SLC13A1: variants seen among roughly 807,000 people sequenced by gnomAD.
The protein encoded by SLC13A1 is Na(+)/sulfate cotransporter.
Under a neutral mutation model 70.0 loss-of-function variants are expected in SLC13A1, and 65 were observed. The observed-to-expected ratio is 0.93, with a 90% CI of 0.76 to 1.14. The LOEUF is 1.14. SLC13A1 is among the 50% of genes most tolerant of loss of function. The pLI, the probability that SLC13A1 is intolerant of heterozygous loss-of-function variation, is 0.00. For missense variants in SLC13A1, 726 were observed against 717.8 expected (o/e 1.01, Z -0.13); for synonymous variants, 275 against 250.5 (o/e 1.10, Z -0.92).
intron 6 of SLC13A1, among the ~76,000 whole-genome samples, chr7:123,150,848 C>T (rs763590090): frequency 1.6e-4 from 24 of 152,086 alleles, no homozygotes; most frequent in Non-Finnish European, 3.2e-4. Context: ...TGCCTTCCAT[C>T]CTTCCTTAAA....
intron 7 of SLC13A1, among the ~76,000 whole-genome samples, chr7:123,135,148 T>C (rs1289870191): frequency 6.6e-6 from 1 of 152,252 alleles, no homozygotes; most frequent in Non-Finnish European, 1.5e-5. Context: ...CACAGTCAAA[T>C]GGAGTAACTC....
At chr7:123,144,474 G>A (rs903638431) in intron 7 of SLC13A1, among the ~76,000 whole-genome samples, 1 of 152,128 alleles carries the variant, frequency 6.6e-6, no homozygotes, top group African/African-American at 2.4e-5. Context: ...AATAAACTGA[G>A]TCTTAGGGGG....
chr7:123,184,127 T>G (rs2116631181), intron 1 of SLC13A1, among the ~76,000 whole-genome samples: 1 of 152,218 alleles, frequency 6.6e-6, no homozygotes, highest in African/African-American at 2.4e-5. Flanking sequence ...GAATGCTATT[T>G]TTTTATCCTT....
chr7:123,187,799 T>A (rs995377253), intron 1 of SLC13A1, among the ~76,000 whole-genome samples: 1 of 152,236 alleles, frequency 6.6e-6, no homozygotes, highest in Non-Finnish European at 1.5e-5. Context: ...TTATGAATAT[T>A]TTACCATTTA....
At chr7:123,178,236 G>C (rs1795520532) in intron 2 of SLC13A1, among the ~76,000 whole-genome samples, 1 of 151,856 alleles carries the variant, frequency 6.6e-6, no homozygotes, top group Non-Finnish European at 1.5e-5. Flanking sequence ...TACAGTAATG[G>C]GCTCAGCAAA....
At chr7:123,182,906 C>T (rs1795684661) in intron 1 of SLC13A1, among the ~76,000 whole-genome samples, 2 of 152,244 alleles carry the variant, frequency 1.3e-5, no homozygotes. Context: ...GAAGAATCCT[C>T]ATTTTGCATT....
intron 7 of SLC13A1, among the ~76,000 whole-genome samples, chr7:123,142,095 T>C (rs1163663913): frequency 6.6e-6 from 1 of 152,148 alleles, no homozygotes; most frequent in Non-Finnish European, 1.5e-5. Context: ...TTATTTTTCA[T>C]GTATAGGGTA....
chr7:123,131,211 T>C (rs1433019997), intron 8 of SLC13A1, among the ~76,000 whole-genome samples: 2 of 152,198 alleles, frequency 1.3e-5, no homozygotes, highest in Non-Finnish European at 2.9e-5. Context: ...AATTGCTTTT[T>C]ACAATCTCAG....
intron 2 of SLC13A1, among the ~76,000 whole-genome samples, chr7:123,175,165 A>C (rs961338488): frequency 6.6e-6 from 1 of 152,104 alleles, no homozygotes; most frequent in Non-Finnish European, 1.5e-5. Flanking sequence ...AGACTTAAAG[A>C]GCTTACAAGC....
intron 6 of SLC13A1, among the ~76,000 whole-genome samples, chr7:123,152,410 A>T (rs975999607): frequency 1.4e-4 from 22 of 151,892 alleles, no homozygotes; most frequent in African/African-American, 5.3e-4. Context: ...TTTTTTTCTA[A>T]TTTTTTAAGG....
intron 6 of SLC13A1, among the ~76,000 whole-genome samples, chr7:123,148,178 C>G (rs1038229140): frequency 1.3e-5 from 2 of 152,088 alleles, no homozygotes; most frequent in African/African-American, 2.4e-5. Context: ...CTTTCTCTCC[C>G]CATTCCTTTG....
At chr7:123,129,573 C>A in intron 8 of SLC13A1, 92 bp from the exon 9 acceptor site, 4 of 900,678 alleles carry the variant, frequency 4.4e-6, no homozygotes, top group East Asian at 2.5e-5. Context: ...GTCATCTTCA[C>A]GCAATATGAA....
intron 7 of SLC13A1, among the ~76,000 whole-genome samples, chr7:123,137,667 T>C (rs1793997147): frequency 6.6e-6 from 1 of 152,182 alleles, no homozygotes; most frequent in African/African-American, 2.4e-5. Context: ...CCTGAGCCCC[T>C]GTCTAGGTTA....
intron 8 of SLC13A1, among the ~76,000 whole-genome samples, chr7:123,133,133 A>G (rs1027102279): frequency 1.3e-5 from 2 of 152,136 alleles, no homozygotes; most frequent in African/African-American, 4.8e-5. Context: ...TTTTCTGGGT[A>G]AATTCTATCA....
chr7:123,133,624 G>A (rs755935191), intron 8 of SLC13A1, among the ~76,000 whole-genome samples: 29 of 151,706 alleles, frequency 1.9e-4, no homozygotes, highest in African/African-American at 6.5e-4. Flanking sequence ...TGCAACCTCC[G>A]CCTCCCGGGT....
intron 3 of SLC13A1, among the ~76,000 whole-genome samples, 156 bp downstream of exon 3, chr7:123,171,612 C>G (rs999919590): frequency 2.6e-5 from 4 of 152,110 alleles, no homozygotes; most frequent in Non-Finnish European, 5.9e-5. Context: ...CTCAAGTACA[C>G]TTTATATCAC....
intron 6 of SLC13A1, among the ~76,000 whole-genome samples, chr7:123,147,806 TA>T (rs1326313567): frequency 1.3e-5 from 2 of 152,200 alleles, no homozygotes; most frequent in Non-Finnish European, 2.9e-5. Context: ...TGAAATATTT[TA>T]AAAACCCAAT....
chr7:123,140,063 T>C (rs1250305025), intron 7 of SLC13A1, among the ~76,000 whole-genome samples: 1 of 149,358 alleles, frequency 6.7e-6, no homozygotes, highest in African/African-American at 2.4e-5. Flanking sequence ...TTATCTGTCG[T>C]ATACAGCTTC....
rs750656344 is a variant in SLC13A1, at chr7:123,119,197, C to G, written c.1396G>C (p.Gly466Arg). Reference protein sequence around the residue: ...KWIGNKLSPLGSLPAWLIILI... With the variant: ...KWIGNKLSPLRSLPAWLIILI... ...ATTATTAGCCATGCTGGTAATGAACCCAGAGGAGATAATTTATTTCCTATC... is the reference window on the plus strand; with the variant it reads ...ATTATTAGCCATGCTGGTAATGAACGCAGAGGAGATAATTTATTTCCTATC... The change falls in exon 13 of 15, where the codon GGT becomes CGT. Residue 466 changes from glycine (G) to arginine (R), a missense_variant. By Grantham distance (125) the Gly-to-Arg change is moderately radical. Transcript: ENST00000194130. 42 of 1,611,660 alleles carry G rather than the reference C, an allele frequency of 2.6e-5. 1 individual carries two copies. In the Admixed American group the frequency reaches 7.0e-4, roughly 27 times the overall value.
Sources: gnomAD v4.1 joint callset for allele counts (sites outside exome capture counted in the v4.1 genomes callset) on GRCh38, gnomAD v4.1.1 for gene constraint, MANE v1.5 for transcripts, NCBI Gene and HGNC (gene_info 2026-07-23, HGNC 2026-07-21) for gene names.